Variants in AMPH observed in about 807,000 individuals in gnomAD.
AMPH encodes the protein amphiphysin.
Under a neutral mutation model 99.1 loss-of-function variants are expected in AMPH, and 49 were observed. That is an observed-to-expected ratio of 0.49 (90% CI 0.39 to 0.63). The LOEUF (loss-of-function observed/expected upper bound fraction) is 0.63, where lower values mean the gene tolerates loss of function less well. Ranked by LOEUF, AMPH falls within the 20% of genes least tolerant of loss-of-function variation. The pLI, the probability that AMPH is intolerant of heterozygous loss-of-function variation, is 0.00. For synonymous variants in AMPH, 314 were observed against 317.3 expected, an observed-to-expected ratio of 0.99 and a Z score of 0.11; for missense variants, 759 against 863.4, an observed-to-expected ratio of 0.88 and a Z score of 1.52.
At chr7:38,526,780 T>G (rs966523661) in intron 2 of AMPH, among the ~76,000 whole-genome samples, 1 of 152,210 alleles carries the variant, frequency 6.6e-6, no homozygotes, top group African/African-American at 2.4e-5. Context: ...TGAGGTCCAA[T>G]TTATCACATT....
chr7:38,451,967 C>G lies in AMPH; in HGVS notation c.1017+9316G>C, dbSNP rs117854078. Among the ~76,000 whole-genome samples the G allele has an allele frequency of 7.2e-5, 11 of 152,178 alleles. No individual in the cohort carries two copies. The East Asian group carries it at 2.1e-3, about 29-fold the overall frequency. On this transcript the variant is annotated intron_variant, in intron 11 of 20. Transcript: ENST00000356264. Reference sequence around the variant, plus strand: ...TAACCACGGGGCATCTCCCTACAAGCAGATAAGAACATTTACCAGAAAAAA... The same window carrying G: ...TAACCACGGGGCATCTCCCTACAAGGAGATAAGAACATTTACCAGAAAAAA...
At chr7:38,436,771 T>C (rs1241493978) in intron 11 of AMPH, among the ~76,000 whole-genome samples, 1 of 152,176 alleles carries the variant, frequency 6.6e-6, no homozygotes, top group African/African-American at 2.4e-5. Flanking sequence ...ATCGATAAAA[T>C]GGGCCAAGAT....
chr7:38,568,349 C>T (rs1393670851), intron 1 of AMPH, among the ~76,000 whole-genome samples: 3 of 152,126 alleles, frequency 2.0e-5, no homozygotes, highest in Non-Finnish European at 4.4e-5. Flanking sequence ...CCTGTAGTCC[C>T]AGCTACTCAG....
At chr7:38,568,684 C>A (rs570968060) in intron 1 of AMPH, among the ~76,000 whole-genome samples, 4 of 152,304 alleles carry the variant, frequency 2.6e-5, no homozygotes, top group African/African-American at 9.6e-5. Flanking sequence ...CTGTCACAGG[C>A]ATAAGGGGCA....
intron 14 of AMPH, chr7:38,429,208 G>A: frequency 7.8e-7 from 1 of 1,289,140 alleles, no homozygotes; most frequent in Non-Finnish European, 1.0e-6. Flanking sequence ...TCATACAGCT[G>A]CTCCATCTCC....
intron 5 of AMPH, among the ~76,000 whole-genome samples, chr7:38,478,711 A>G (rs1023191319): frequency 2.9e-4 from 44 of 152,210 alleles, no homozygotes; most frequent in African/African-American, 9.9e-4. Context: ...CTAGTTTGAA[A>G]AAGTCAACAA....
intron 5 of AMPH, among the ~76,000 whole-genome samples, chr7:38,481,918 C>G (rs1182836011): frequency 6.6e-6 from 1 of 152,080 alleles, no homozygotes; most frequent in Non-Finnish European, 1.5e-5. Context: ...TCATTCATTA[C>G]ATAATCACTC....
intron 7 of AMPH, among the ~76,000 whole-genome samples, chr7:38,467,488 TCTTCCTTCAATTA>T (rs900333814): frequency 5.9e-5 from 9 of 152,282 alleles, no homozygotes; most frequent in Non-Finnish European, 1.2e-4. Context: ...TTAACACTTT[TCTTCCTTCAATTA>T]CTTCCTTCAA....
At chr7:38,423,997 C>T (rs755116412) in intron 15 of AMPH, among the ~76,000 whole-genome samples, 23 of 152,176 alleles carry the variant, frequency 1.5e-4, no homozygotes, top group Non-Finnish European at 3.1e-4. Flanking sequence ...ACCATGCACC[C>T]CTCTCTCGCC....
rs1484502956 is a variant in AMPH at position 38,391,825 on chromosome 7, G to A, written c.1801C>T (p.Pro601Ser). 6.2e-7 allele frequency: 1 copy of A among 1,613,806 alleles called. No individual in the cohort carries two copies. ...AGCTGGTCAGCAGCCCCCATGGCTG[G>A]TGCAGAAGGCGTGGGCTGAGGGTCC... ...IQDPQPTPSA[P>S]AMGAADQLAS... The change falls in exon 19 of 21, where the codon CCA becomes TCA. Residue 601 changes from proline (P) to serine (S), a missense_variant. Pro to Ser is a moderately conservative substitution (Grantham distance 74, BLOSUM62 -1). Transcript: ENST00000356264.
In AMPH at chr7:38,417,960, T is replaced by C; in HGVS notation, c.1273-10A>G. ...CCTGTTCAGATTCAGCCTTGGAGTG[T>C]TTGTTTTGAGGGTTAGAGGAAAAAG... On this transcript the variant is annotated splice_polypyrimidine_tract_variant and intron_variant, in intron 16 of 20. Transcript: ENST00000356264. 1 of 1,611,502 alleles carries C rather than the reference T, an allele frequency of 6.2e-7. No individual in the cohort carries two copies.
At chr7:38,526,899 T>C (rs1790211716) in intron 2 of AMPH, among the ~76,000 whole-genome samples, 1 of 152,222 alleles carries the variant, frequency 6.6e-6, no homozygotes, top group South Asian at 2.1e-4. Context: ...AGCTTTATGT[T>C]TTATATTTAA....
At chr7:38,566,910 G>A (rs147655893) in intron 1 of AMPH, among the ~76,000 whole-genome samples, 18,607 of 152,240 alleles carry the variant, frequency 0.12, 1,571 homozygotes, top group Admixed American at 0.24. Flanking sequence ...AGAGGATGTG[G>A]AGAAATAGGA....
At chr7:38,626,271 G>A (rs909430833) in intron 1 of AMPH, among the ~76,000 whole-genome samples, 3 of 151,958 alleles carry the variant, frequency 2.0e-5, no homozygotes, top group Non-Finnish European at 2.9e-5. Context: ...CCATCATTTA[G>A]GTTTTAAGCC....
intron 5 of AMPH, 54 bp from the exon 6 acceptor site, chr7:38,477,023 C>G (rs1788112805): frequency 1.3e-6 from 2 of 1,521,614 alleles, no homozygotes; most frequent in Non-Finnish European, 1.8e-6. Flanking sequence ...AAGAGTCTCC[C>G]TTTGACAGCC....
intron 11 of AMPH, among the ~76,000 whole-genome samples, chr7:38,452,135 T>C (rs939919270): frequency 1.3e-5 from 2 of 152,184 alleles, no homozygotes; most frequent in Non-Finnish European, 2.9e-5. Context: ...CATCTGAGAC[T>C]GGGTACATTT....
rs778537683 is a variant in AMPH at position 38,503,677 on chromosome 7, G to C, written c.178C>G (p.Leu60Val). The C allele has an allele frequency of 3.7e-6, 6 of 1,614,022 alleles. No homozygotes were observed. Among genetic ancestry groups the C allele is most frequent in the Non-Finnish European group, 2.5e-6 (3 of 1,179,962 alleles). Residue 60 changes from leucine (L) to valine (V), a missense_variant, in exon 3 of 21, where the codon CTC becomes GTC. By Grantham distance (32) the Leu-to-Val change is conservative (BLOSUM62 1). Around this residue, in one of 2 missense-constraint regions of AMPH, gnomAD observed 205 missense variants for 287.9 expected, o/e 0.71. Transcript: ENST00000356264. ...TTGATTGCTGCTAAATATCCTCGGAGTTCTCGCTGAAGTCTGGTACCCTCT... is the reference window on the plus strand; with the variant it reads ...TTGATTGCTGCTAAATATCCTCGGACTTCTCGCTGAAGTCTGGTACCCTCT... ...EAEGTRLQRE[L>V]RGYLAAIKGM...
intron 3 of AMPH, among the ~76,000 whole-genome samples, chr7:38,496,851 A>C (rs960128676): frequency 6.6e-6 from 1 of 152,134 alleles, no homozygotes. Flanking sequence ...AACTGTGTAG[A>C]TAGGTTTTTA....
At chr7:38,604,866 A>AT (rs879778690) in intron 1 of AMPH, among the ~76,000 whole-genome samples, 14 of 150,488 alleles carry the variant, frequency 9.3e-5, no homozygotes, top group African/African-American at 2.2e-4. Context: ...ATTTTCCTTC[A>AT]TTTTTTTTTC....
Sources: allele counts gnomAD v4.1 joint callset (sites outside exome capture counted in the v4.1 genomes callset), GRCh38; gene constraint gnomAD v4.1.1; regional missense constraint gnomAD v4.1.1; transcripts MANE v1.5; gene names NCBI Gene and HGNC (gene_info 2026-07-23, HGNC 2026-07-21).